Variants in COL8A1 observed in about 807,000 individuals in gnomAD.
COL8A1 encodes collagen type VIII alpha 1 chain.
In COL8A1, 21 loss-of-function variants were observed where a neutral mutation model predicts 42.7. That is an observed-to-expected ratio of 0.49 (90% CI 0.35 to 0.71). The LOEUF (loss-of-function observed/expected upper bound fraction) is 0.71, where lower values mean the gene tolerates loss of function less well. Among genes scored for constraint, COL8A1 ranks in the 30% least tolerant of loss-of-function variants. COL8A1 has a pLI of 0.01. For missense variants in COL8A1, 788 were observed against 962.4 expected (o/e 0.82, Z 2.40); for synonymous variants, 367 against 369.1 (o/e 0.99, Z 0.06).
At position 99,676,228 on chromosome 3, in the gene COL8A1, G is replaced by T. The variant is rs139066352; in HGVS notation, c.-129+37564G>T. Among the ~76,000 whole-genome samples, 596 of 152,076 alleles carry T rather than the reference G, an allele frequency of 3.9e-3. 7 individuals are homozygous for T. Among genetic ancestry groups the T allele is most frequent in the African/African-American group, 0.014 (564 of 41,522 alleles). ...GAAAACTCCACATCCAGGTAGCTTC[G>T]CCAGTGAATTTGAAGATGAAATAAC... On this transcript the variant is annotated intron_variant, in intron 1 of 3. Coordinates refer to ENST00000652472, the MANE Select transcript of COL8A1 (RefSeq NM_020351.4).
At chr3:99,772,788 T>C (rs1182725468) in intron 2 of COL8A1, among the ~76,000 whole-genome samples, 3 of 152,094 alleles carry the variant, frequency 2.0e-5, no homozygotes, top group Admixed American at 6.6e-5. Flanking sequence ...CCAGAACTCA[T>C]AGGGAGTGTG....
At chr3:99,655,904 A>G (rs990428874) in intron 1 of COL8A1, among the ~76,000 whole-genome samples, 28 of 152,336 alleles carry the variant, frequency 1.8e-4, no homozygotes, top group African/African-American at 6.5e-4. Flanking sequence ...AGAAGGAAGA[A>G]AGAAAAGTAT....
At chr3:99,672,972 T>C (rs930262863) in intron 1 of COL8A1, among the ~76,000 whole-genome samples, 3 of 152,144 alleles carry the variant, frequency 2.0e-5, no homozygotes, top group African/African-American at 7.2e-5. Flanking sequence ...AGACTTTCAA[T>C]TTCTGCAAGA....
At chr3:99,721,570 G>A (rs1421362641) in intron 1 of COL8A1, among the ~76,000 whole-genome samples, 3 of 151,906 alleles carry the variant, frequency 2.0e-5, no homozygotes, top group South Asian at 4.1e-4. Flanking sequence ...CTGGAAACCC[G>A]GACAGATTTG....
intron 1 of COL8A1, among the ~76,000 whole-genome samples, chr3:99,717,538 A>G (rs1483098195): frequency 6.6e-6 from 1 of 152,042 alleles, no homozygotes; most frequent in Non-Finnish European, 1.5e-5. Flanking sequence ...TCATTAAATC[A>G]CAAATCTTAA....
At chr3:99,774,094 C>T (rs1275959650) in intron 2 of COL8A1, among the ~76,000 whole-genome samples, 1 of 151,150 alleles carries the variant, frequency 6.6e-6, no homozygotes, top group Non-Finnish European at 1.5e-5. Context: ...ATCCACCTGC[C>T]TTGGCCTCCC....
intron 2 of COL8A1, among the ~76,000 whole-genome samples, chr3:99,745,939 CT>C (rs1941015784): frequency 1.3e-5 from 2 of 151,978 alleles, no homozygotes; most frequent in Admixed American, 6.5e-5. Flanking sequence ...TTAAGTGTGA[CT>C]TTTGGACACA....
intron 2 of COL8A1, among the ~76,000 whole-genome samples, chr3:99,754,153 T>C (rs1347365172): frequency 6.6e-6 from 1 of 152,204 alleles, no homozygotes; most frequent in Non-Finnish European, 1.5e-5. Flanking sequence ...GAAATGTTTC[T>C]ACCTACAGAA....
chr3:99,764,792 C>G (rs946008419), intron 2 of COL8A1, among the ~76,000 whole-genome samples: 4 of 144,848 alleles, frequency 2.8e-5, no homozygotes, highest in Non-Finnish European at 5.9e-5. Context: ...CCTCTGCAGT[C>G]AGGCAGATTT....
At chr3:99,724,378 C>A (rs998441511) in intron 1 of COL8A1, among the ~76,000 whole-genome samples, 5 of 152,216 alleles carry the variant, frequency 3.3e-5, no homozygotes, top group Middle Eastern at 3.4e-3. Flanking sequence ...TTCCTTTCAC[C>A]ATGACCCGTC....
intron 1 of COL8A1, among the ~76,000 whole-genome samples, chr3:99,700,321 C>T (rs975529839): frequency 6.6e-6 from 1 of 151,588 alleles, no homozygotes; most frequent in African/African-American, 2.4e-5. Context: ...AAAAAGAACT[C>T]GCGTGAAATG....
At chr3:99,703,742 A>G (rs1939606788) in intron 1 of COL8A1, 1 of 152,242 alleles carries the variant, frequency 6.6e-6, no homozygotes. Context: ...AGGCCTGCCC[A>G]GCACAAAGTT....
At chr3:99,771,166 G>A (rs1941573858) in intron 2 of COL8A1, among the ~76,000 whole-genome samples, 1 of 152,200 alleles carries the variant, frequency 6.6e-6, no homozygotes, top group Non-Finnish European at 1.5e-5. Context: ...GAAAGAATCA[G>A]ACAAGATAGG....
At chr3:99,682,484 C>T (rs983515423) in intron 1 of COL8A1, among the ~76,000 whole-genome samples, 3 of 152,026 alleles carry the variant, frequency 2.0e-5, no homozygotes, top group Non-Finnish European at 4.4e-5. Context: ...ATTATAATCA[C>T]CTGCTCACTA....
At chr3:99,737,596 G>A (rs1426039397) in intron 1 of COL8A1, among the ~76,000 whole-genome samples, 4 of 152,112 alleles carry the variant, frequency 2.6e-5, no homozygotes, top group Admixed American at 6.5e-5. Flanking sequence ...CAAGAGATCC[G>A]CTGTCAGTCT....
chr3:99,773,273 C>T (rs1365922800), intron 2 of COL8A1, among the ~76,000 whole-genome samples: 1 of 152,162 alleles, frequency 6.6e-6, no homozygotes, highest in Non-Finnish European at 1.5e-5. Flanking sequence ...AATAACAAGA[C>T]TTCAATTAGG....
chr3:99,639,205 G>A (rs1053611466), intron 1 of COL8A1, among the ~76,000 whole-genome samples: 10 of 152,150 alleles, frequency 6.6e-5, no homozygotes, highest in Admixed American at 2.6e-4. Flanking sequence ...CCCTTTGCAC[G>A]GGGACAGTAA....
At chr3:99,728,914 A>G (rs1249818259) in intron 1 of COL8A1, among the ~76,000 whole-genome samples, 1 of 152,012 alleles carries the variant, frequency 6.6e-6, no homozygotes, top group Non-Finnish European at 1.5e-5. Flanking sequence ...TACCATTAGA[A>G]AAAGCCTGTC....
chr3:99,698,062 T>C (rs1939431905), intron 1 of COL8A1, among the ~76,000 whole-genome samples: 1 of 152,102 alleles, frequency 6.6e-6, no homozygotes, highest in Non-Finnish European at 1.5e-5. Flanking sequence ...TGAGAACATG[T>C]GGTGTTTGGT....
Sources: gnomAD v4.1 joint callset for allele counts (sites outside exome capture counted in the v4.1 genomes callset) on GRCh38, gnomAD v4.1.1 for gene constraint, MANE v1.5 for transcripts, NCBI Gene and HGNC (gene_info 2026-07-23, HGNC 2026-07-21) for gene names.